RBM26: variants seen among roughly 807,000 people sequenced by gnomAD.
RBM26 encodes the protein RNA binding motif protein 26, also known as RNA-binding protein 26.
RBM26 carries 30 observed loss-of-function variants against 123.6 expected under a neutral mutation model. The observed-to-expected ratio is 0.24, with a 90% confidence interval of 0.18 to 0.33. The LOEUF is 0.33. RBM26 is among the 10% of genes least tolerant of loss of function. The pLI, the probability that RBM26 is intolerant of heterozygous loss-of-function variation, is 1.00. For synonymous variants in RBM26, 400 were observed against 404.4 expected, an observed-to-expected ratio of 0.99 and a Z score of 0.13; for missense variants, 947 against 1,203.6, an observed-to-expected ratio of 0.79 and a Z score of 3.15.
intron 1 of RBM26, among the ~76,000 whole-genome samples, chr13:79,383,860 T>C (rs1451220405): frequency 6.6e-6 from 1 of 152,158 alleles, no homozygotes; most frequent in African/African-American, 2.4e-5. Context: ...AAGGAAGGAC[T>C]CTGTTGAAGG....
At position 79,337,237 on chromosome 13, in the gene RBM26, T is replaced by C. The variant is rs1232930944; in HGVS notation, c.2598A>G (p.Ala866=). 1 of 1,614,176 alleles carries C rather than the reference T, an allele frequency of 6.2e-7. No homozygotes were observed. The highest frequency in any genetic ancestry group is 1.7e-5 in the Admixed American group (1 of 60,022). The change falls in exon 19 of 22, where the codon GCA becomes GCG. Residue 866 remains alanine, a synonymous_variant. Transcript: ENST00000438737. ...CTCGCCCCCTGCCTCGGCCATGAAC[T>C]GCACCTCGACCTCTTGAATGAATTC... ...GRGIHSRGRG[A]VHGRGRGRGR...
intron 11 of RBM26, among the ~76,000 whole-genome samples, chr13:79,356,266 C>T (rs998121454): frequency 1.3e-5 from 2 of 150,450 alleles, no homozygotes; most frequent in East Asian, 4.0e-4. Context: ...CTACTCGGGA[C>T]GCTGAGGCAG....
intron 20 of RBM26, among the ~76,000 whole-genome samples, chr13:79,333,692 A>G (rs184413527): frequency 2.2e-4 from 33 of 151,952 alleles, no homozygotes; most frequent in African/African-American, 7.5e-4. Context: ...CCTCACTCCC[A>G]TTTTCCTTTT....
At chr13:79,325,870 G>A (rs1000642423) in intron 20 of RBM26, among the ~76,000 whole-genome samples, 1 of 152,050 alleles carries the variant, frequency 6.6e-6, no homozygotes, top group Non-Finnish European at 1.5e-5. Flanking sequence ...ACCCCATACA[G>A]GTATACCATG....
chr13:79,340,093 C>T (rs1201378708), intron 18 of RBM26, among the ~76,000 whole-genome samples: 1 of 152,088 alleles, frequency 6.6e-6, no homozygotes, highest in Non-Finnish European at 1.5e-5. Context: ...TCCACCAACA[C>T]TGGCATAAAA....
chr13:79,327,047 G>C (rs982055229), intron 20 of RBM26, among the ~76,000 whole-genome samples: 1 of 152,046 alleles, frequency 6.6e-6, no homozygotes, highest in Non-Finnish European at 1.5e-5. Flanking sequence ...TGTAATTCTA[G>C]CACTTTGTGA....
At position 79,405,778 on chromosome 13, in the gene RBM26, C is replaced by T. The variant is rs2079482424; in HGVS notation, c.-4G>A. 4 of 1,581,402 alleles carry T rather than the reference C, an allele frequency of 2.5e-6. No homozygotes were observed. The highest frequency in any genetic ancestry group is 2.6e-6 in the Non-Finnish European group (3 of 1,162,798). ...CAATGATCATTTTAGAAACCATCCA[C>T]AGCGGCCCTAAGGCCCGTCACACTC... On this transcript the variant is annotated 5_prime_UTR_variant, in exon 1 of 22. It adds an upstream start codon to the 5' untranslated region. Transcript: ENST00000438737.
intron 3 of RBM26, among the ~76,000 whole-genome samples, chr13:79,375,690 G>T (rs1217579396): frequency 1.3e-5 from 2 of 151,968 alleles, no homozygotes; most frequent in Non-Finnish European, 2.9e-5. Flanking sequence ...AAACTGATTG[G>T]GATGTTACAT....
intron 3 of RBM26, among the ~76,000 whole-genome samples, chr13:79,373,371 T>C (rs1466359711): frequency 1.9e-5 from 2 of 102,720 alleles, no homozygotes; most frequent in Non-Finnish European, 3.5e-5. Context: ...AAATATATAA[T>C]ATATATTATA....
At chr13:79,316,198 TG>T (rs1239119455), downstream of RBM26, among the ~76,000 whole-genome samples, 9 of 126,912 alleles carry the variant, frequency 7.1e-5, no homozygotes, top group Non-Finnish European at 1.3e-4. Flanking sequence ...GGCAGGTGTG[TG>T]TGTGTGTGTG....
At chr13:79,387,819 A>C (rs2077615338) in intron 1 of RBM26, among the ~76,000 whole-genome samples, 1 of 151,914 alleles carries the variant, frequency 6.6e-6, no homozygotes, top group African/African-American at 2.4e-5. Flanking sequence ...AGAAGGCATA[A>C]ATAAATTCTA....
At chr13:79,383,504 G>C (rs565616100) in intron 1 of RBM26, among the ~76,000 whole-genome samples, 1 of 152,162 alleles carries the variant, frequency 6.6e-6, no homozygotes, top group East Asian at 1.9e-4. Context: ...TTCATATAAA[G>C]TTTGATGAAT....
At chr13:79,339,092 TAATCTTAGCATTAGCTA>T (rs1467761821) in intron 18 of RBM26, among the ~76,000 whole-genome samples, 2 of 152,196 alleles carry the variant, frequency 1.3e-5, no homozygotes, top group Non-Finnish European at 2.9e-5. Flanking sequence ...TCAAGACAGT[TAATCTTAGCATTAGCTA>T]AAATAATCAT....
intron 1 of RBM26, among the ~76,000 whole-genome samples, chr13:79,381,432 C>CATA (rs1439633426): frequency 2.6e-4 from 2 of 7,580 alleles, no homozygotes; most frequent in Non-Finnish European, 9.3e-4. Flanking sequence ...CATTATGATA[C>CATA]ATAATAATAT....
chr13:79,379,024 C>G (rs1163025552), intron 1 of RBM26, 117 bp from the exon 2 acceptor site: 2 of 655,406 alleles, frequency 3.1e-6, no homozygotes, highest in East Asian at 2.7e-5. Flanking sequence ...GTAAAAAGCA[C>G]CCGGGTCACA....
chr13:79,346,216 C>G (rs4884128), intron 14 of RBM26, among the ~76,000 whole-genome samples: 1 of 152,206 alleles, frequency 6.6e-6, no homozygotes, highest in Non-Finnish European at 1.5e-5. Flanking sequence ...ATCATGAAAT[C>G]TGATTAGGGA....
chr13:79,368,691 TATTA>T lies in RBM26; in HGVS notation c.895+35_895+38del, dbSNP rs751526328. 4.6e-5 allele frequency: 73 copies of T among 1,573,178 alleles called. No individual in the cohort carries two copies. The African/African-American group carries it at 9.5e-4, about 20-fold the overall frequency. Reference sequence around the variant, plus strand: ...AACACAGAATTTAGGCAGCTGGAAATATTAATTAAATACTTTATCAAACAGCTGA... The same window carrying T: ...AACACAGAATTTAGGCAGCTGGAAATATTAAATACTTTATCAAACAGCTGA... On this transcript the variant is annotated intron_variant, in intron 6 of 21. Coordinates refer to ENST00000438737, the MANE Select transcript of RBM26 (RefSeq NM_001366735.2).
intron 6 of RBM26, among the ~76,000 whole-genome samples, chr13:79,368,129 C>A (rs1009901662): frequency 4.6e-5 from 7 of 152,098 alleles, no homozygotes; most frequent in African/African-American, 1.4e-4. Context: ...GGTTTCACGC[C>A]TTCTCCTGCC....
At chr13:79,338,146 A>C (rs1485072136) in intron 18 of RBM26, among the ~76,000 whole-genome samples, 1 of 152,172 alleles carries the variant, frequency 6.6e-6, no homozygotes, top group Non-Finnish European at 1.5e-5. Context: ...TGGGAGGCAG[A>C]GGTTGCAGCG....
Sources: allele counts gnomAD v4.1 joint callset (sites outside exome capture counted in the v4.1 genomes callset), GRCh38; gene constraint gnomAD v4.1.1; transcripts MANE v1.5; gene names NCBI Gene and HGNC (gene_info 2026-07-23, HGNC 2026-07-21).